NIPBL: variants seen among roughly 807,000 people sequenced by gnomAD.
NIPBL encodes the protein nipped-B-like protein.
In NIPBL, 19 loss-of-function variants were observed where a neutral mutation model predicts 321.8. The observed-to-expected ratio is 0.06, with a 90% CI of 0.04 to 0.09. The LOEUF is 0.09. Ranked by LOEUF, NIPBL falls within the 10% of genes least tolerant of loss-of-function variation. The pLI is 1.00. For missense variants in NIPBL, 2,210 were observed against 3,327.0 expected (o/e 0.66, Z 8.26); for synonymous variants, 1,106 against 1,114.1 (o/e 0.99, Z 0.14).
chr5:36,912,499 T>TG (rs1203755909), intron 1 of NIPBL, among the ~76,000 whole-genome samples: 1 of 150,536 alleles, frequency 6.6e-6, no homozygotes, highest in African/African-American at 2.5e-5. Context: ...CATGTATTAC[T>TG]GATTTTTTTT....
intron 1 of NIPBL, among the ~76,000 whole-genome samples, chr5:36,922,476 G>A (rs753579932): frequency 5.3e-5 from 8 of 151,936 alleles, no homozygotes; most frequent in Non-Finnish European, 7.4e-5. Context: ...AAAACTGAGG[G>A]GTCAGTTTTC....
At chr5:37,052,106 C>G (rs1753622363) in intron 41 of NIPBL, among the ~76,000 whole-genome samples, 1 of 152,098 alleles carries the variant, frequency 6.6e-6, no homozygotes, top group Non-Finnish European at 1.5e-5. Context: ...GACTAAAAAT[C>G]AGGAAACCTG....
At chr5:37,041,766 T>C (rs1752407375) in intron 34 of NIPBL, among the ~76,000 whole-genome samples, 1 of 151,988 alleles carries the variant, frequency 6.6e-6, no homozygotes, top group Non-Finnish European at 1.5e-5. Flanking sequence ...GGAATTGCCA[T>C]GTTGGCCAGG....
chr5:37,003,459 C>T, intron 16 of NIPBL, 112 bp downstream of exon 16: 1 of 665,218 alleles, frequency 1.5e-6, no homozygotes, highest in Admixed American at 2.4e-5. Flanking sequence ...CTACAGTCAA[C>T]TGTGATCTGA....
intron 9 of NIPBL, among the ~76,000 whole-genome samples, chr5:36,978,801 C>G (rs1743808564): frequency 6.6e-6 from 1 of 151,984 alleles, no homozygotes; most frequent in African/African-American, 2.4e-5. Flanking sequence ...CGTTCTTCTG[C>G]TTATGGCTAG....
intron 6 of NIPBL, among the ~76,000 whole-genome samples, chr5:36,968,106 A>AC (rs1454765216): frequency 4.0e-5 from 6 of 149,668 alleles, no homozygotes; most frequent in East Asian, 2.0e-4. Flanking sequence ...AAAAAAAAAA[A>AC]AAAAACAAAA....
intron 1 of NIPBL, among the ~76,000 whole-genome samples, chr5:36,887,881 G>T (rs1746036381): frequency 6.6e-6 from 1 of 152,104 alleles, no homozygotes; most frequent in Non-Finnish European, 1.5e-5. Context: ...ACTCTGACCT[G>T]TCACCCAAAG....
At chr5:37,054,195 CAA>C (rs1200216062) in intron 42 of NIPBL, among the ~76,000 whole-genome samples, 13 of 57,550 alleles carry the variant, frequency 2.3e-4, no homozygotes, top group Non-Finnish European at 2.6e-4. Flanking sequence ...GACTCCGTCT[CAA>C]AAAAAAAAAA....
chr5:37,013,885 G>A (rs1748572056), intron 21 of NIPBL, among the ~76,000 whole-genome samples: 2 of 152,224 alleles, frequency 1.3e-5, no homozygotes, highest in South Asian at 2.1e-4. Context: ...GTAGCCAGCC[G>A]AGATCACGCC....
intron 8 of NIPBL, among the ~76,000 whole-genome samples, chr5:36,973,604 A>T (rs1443532556): frequency 6.6e-6 from 1 of 151,970 alleles, no homozygotes; most frequent in Non-Finnish European, 1.5e-5. Flanking sequence ...AGTAGCTGGG[A>T]TTACAGGCAC....
At chr5:37,033,705 C>CACACACACATATAT (rs1415570935) in intron 32 of NIPBL, among the ~76,000 whole-genome samples, 15 of 80,222 alleles carry the variant, frequency 1.9e-4, no homozygotes, top group African/African-American at 4.8e-4. Context: ...CACACACACA[C>CACACACACATATAT]ATATATATAT....
chr5:36,963,562 G>T (rs144217604), intron 6 of NIPBL, among the ~76,000 whole-genome samples: 31 of 151,956 alleles, frequency 2.0e-4, no homozygotes, highest in African/African-American at 7.0e-4. Flanking sequence ...AGCACTGTAG[G>T]AGGCTGGGGC....
At chr5:36,885,843 A>G (rs988574313) in intron 1 of NIPBL, 51 of 698,774 alleles carry the variant, frequency 7.3e-5, no homozygotes, top group East Asian at 3.0e-4. Flanking sequence ...CTCTTAATGA[A>G]GGAGAACCAC....
chr5:36,952,053 T>TGTGCGC (rs778597604), intron 1 of NIPBL, among the ~76,000 whole-genome samples: 1,772 of 112,096 alleles, frequency 0.016, 26 homozygotes, highest in Middle Eastern at 0.029. Flanking sequence ...TGTGTGTGTG[T>TGTGCGC]GCGCGCGCGC....
chr5:37,014,445 C>G (rs1580475736), intron 21 of NIPBL, among the ~76,000 whole-genome samples: 2 of 151,736 alleles, frequency 1.3e-5, no homozygotes, highest in African/African-American at 4.8e-5. Flanking sequence ...ATTTGTTAAC[C>G]ACATATGTTA....
intron 27 of NIPBL, among the ~76,000 whole-genome samples, chr5:37,021,533 T>A (rs1025241201): frequency 4.6e-5 from 7 of 151,272 alleles, no homozygotes; most frequent in Non-Finnish European, 8.8e-5. Flanking sequence ...ATACAAAAAA[T>A]TAGCTGCCAT....
intron 11 of NIPBL, among the ~76,000 whole-genome samples, chr5:36,998,891 G>A (rs76137169): frequency 0.034 from 5,126 of 152,086 alleles, 313 homozygotes; most frequent in African/African-American, 0.12. Context: ...CTTCACATAC[G>A]TCATAACCAA....
intron 6 of NIPBL, among the ~76,000 whole-genome samples, chr5:36,966,534 C>T (rs1224415034): frequency 1.3e-5 from 2 of 152,128 alleles, no homozygotes; most frequent in East Asian, 3.9e-4. Flanking sequence ...TGTAAAAGTA[C>T]ATATTTTTCC....
At chr5:36,921,111 T>C (rs1439728767) in intron 1 of NIPBL, among the ~76,000 whole-genome samples, 1 of 151,996 alleles carries the variant, frequency 6.6e-6, no homozygotes, top group Non-Finnish European at 1.5e-5. Flanking sequence ...GTCTCCCCAT[T>C]CCTCCAGATC....
Sources: gnomAD v4.1 joint callset for allele counts (sites outside exome capture counted in the v4.1 genomes callset) on GRCh38, gnomAD v4.1.1 for gene constraint, MANE v1.5 for transcripts, NCBI Gene and HGNC (gene_info 2026-07-23, HGNC 2026-07-21) for gene names.